The following GP9 variants were observed in gnomAD, a reference collection of about 807,000 sequenced individuals.
The protein encoded by GP9 is platelet glycoprotein IX.
For synonymous variants in GP9, 116 were observed against 116.7 expected, an observed-to-expected ratio of 0.99 and a Z score of 0.04; for missense variants, 228 against 241.8, an observed-to-expected ratio of 0.94 and a Z score of 0.38.
upstream of GP9, among the ~76,000 whole-genome samples, chr3:129,059,033 C>G (rs1352248054): frequency 6.6e-6 from 1 of 152,204 alleles, no homozygotes; most frequent in East Asian, 1.9e-4. Context: ...CTGCATTATC[C>G]TGTGCCTCTT....
upstream of GP9, among the ~76,000 whole-genome samples, chr3:129,057,354 A>C (rs528431149): frequency 7.7e-4 from 117 of 152,294 alleles, no homozygotes; most frequent in African/African-American, 2.8e-3. Flanking sequence ...GATGATCAGG[A>C]GGAAGCCATG....
At chr3:129,059,845 A>G (rs1946556651), upstream of GP9, among the ~76,000 whole-genome samples, 1 of 152,216 alleles carries the variant, frequency 6.6e-6, no homozygotes, top group Non-Finnish European at 1.5e-5. Flanking sequence ...CGTAGGGCCG[A>G]GGAATATTCC....
At position 129,061,923 on chromosome 3, in the gene GP9, A is replaced by G. The variant is rs1267634927; in HGVS notation, c.184A>G (p.Ser62Gly). ...RTRHLLLANN[S>G]LQSVPPGAFD... ...CCGCCACCTTCTGCTGGCCAACAAC[A>G]GCCTTCAGTCCGTGCCCCCGGGAGC... The change falls in exon 3 of 3, where the codon AGC (serine) becomes GGC (glycine). Residue 62 changes from serine (S) to glycine (G), a missense_variant. Coordinates refer to ENST00000307395, the MANE Select transcript of GP9 (RefSeq NM_000174.5). The G allele has an allele frequency of 2.5e-6, 4 of 1,613,776 alleles. No homozygotes were observed. Among genetic ancestry groups the G allele is most frequent in the Non-Finnish European group, 3.4e-6 (4 of 1,179,878 alleles).
chr3:129,059,223 T>C (rs1946549450), upstream of GP9, among the ~76,000 whole-genome samples: 1 of 152,202 alleles, frequency 6.6e-6, no homozygotes, highest in African/African-American at 2.4e-5. Flanking sequence ...ACAAAACCCA[T>C]CTATGTTGAT....
At chr3:129,061,116 C>T (rs1946570330) in intron 1 of GP9, among the ~76,000 whole-genome samples, 1 of 152,312 alleles carries the variant, frequency 6.6e-6, no homozygotes, top group African/African-American at 2.4e-5. Context: ...TGAGTCTGGC[C>T]TCTGACACCA....
At chr3:129,057,783 TG>T (rs1306950042), upstream of GP9, among the ~76,000 whole-genome samples, 3 of 148,862 alleles carry the variant, frequency 2.0e-5, no homozygotes, top group African/African-American at 7.5e-5. Flanking sequence ...GAGAAAGAGG[TG>T]GAATTAAGGA....
chr3:129,056,702 C>T (rs532352530), upstream of GP9, among the ~76,000 whole-genome samples: 66 of 152,280 alleles, frequency 4.3e-4, no homozygotes, highest in Non-Finnish European at 2.8e-4. Flanking sequence ...TGGGTGAGTG[C>T]GTCGAGGAGG....
chr3:129,059,579 G>A (rs1946553515), upstream of GP9, among the ~76,000 whole-genome samples: 3 of 152,178 alleles, frequency 2.0e-5, no homozygotes, highest in South Asian at 6.2e-4. Flanking sequence ...ATCAGTGGGG[G>A]AACAGCACCT....
upstream of GP9, among the ~76,000 whole-genome samples, chr3:129,057,080 C>T (rs1225836263): frequency 6.6e-6 from 1 of 152,124 alleles, no homozygotes; most frequent in Non-Finnish European, 1.5e-5. Context: ...GCAAGGCTGA[C>T]AAGTATGTAT....
In GP9 at chr3:129,062,303, C is replaced by T. The variant is rs1433245648; in HGVS notation, c.*30C>T. The T allele has an allele frequency of 2.0e-6, 3 of 1,480,272 alleles. No homozygotes were observed. The highest frequency in any genetic ancestry group is 2.8e-6 in the Non-Finnish European group (3 of 1,089,964). 91.7% of individuals were successfully genotyped at this position (1,480,272 alleles called of 1,614,324 possible). A position where few individuals can be genotyped will look rare whatever the true frequency, so the allele number is the denominator to read the frequency against. On this transcript the variant is annotated 3_prime_UTR_variant, in exon 3 of 3. Transcript: ENST00000307395. ...GGCCCCCAGAACCCCTGGCTCCAGGCCAGGGGGCCAGTCCCTGAGGCAGGT... is the reference window on the plus strand; with the variant it reads ...GGCCCCCAGAACCCCTGGCTCCAGGTCAGGGGGCCAGTCCCTGAGGCAGGT...
rs138811539 is a variant in GP9, at chr3:129,061,894, G to C, written c.155G>C (p.Arg52Pro). The change falls in exon 3 of 3, where the codon CGC becomes CCC. Residue 52 changes from arginine to proline, a missense_variant. Arg to Pro is a moderately radical substitution (Grantham distance 103). Transcript: ENST00000307395. ...ACGGCCCTGCCTGCCCTGCCGGCCCGCACCCGCCACCTTCTGCTGGCCAAC... is the reference window on the plus strand; with the variant it reads ...ACGGCCCTGCCTGCCCTGCCGGCCCCCACCCGCCACCTTCTGCTGGCCAAC... ...GLTALPALPA[R>P]TRHLLLANNS... 1 of 1,613,344 alleles carries C rather than the reference G, an allele frequency of 6.2e-7. No homozygotes were observed. Among genetic ancestry groups the C allele is most frequent in the African/African-American group, 1.3e-5 (1 of 75,040 alleles).
At chr3:129,055,029 T>C in the GP9 span, among the ~76,000 whole-genome samples, 1 of 152,252 alleles carries the variant, frequency 6.6e-6, no homozygotes, top group Non-Finnish European at 1.5e-5. Context: ...ATTTAGCGTC[T>C]TATTTGCCAC....
intron 2 of GP9, 34 bp from the exon 3 acceptor site, chr3:129,061,694 G>A (rs759829973): frequency 1.9e-6 from 3 of 1,547,962 alleles, no homozygotes; most frequent in Admixed American, 1.7e-5. Context: ...GGTCCAGGCT[G>A]CCAGGCCCTC....
In GP9 at chr3:129,061,578, A is replaced by T; in HGVS notation, c.-54A>T. The T allele has an allele frequency of 1.5e-6, 1 of 675,806 alleles. No individual in the cohort carries two copies. The highest frequency in any genetic ancestry group is 2.6e-6 in the Non-Finnish European group (1 of 379,750). The allele number at this position is 675,806 out of a possible 1,614,324, so 41.9% of individuals were successfully genotyped here. A position where few individuals can be genotyped will look rare whatever the true frequency, so the allele number is the denominator to read the frequency against. ...GCACACTCCACCTTCCCTAGTCACC[A>T]GCTGGTTTCCCAGAGGAGAAGGCTG... On this transcript the variant is annotated 5_prime_UTR_variant, in exon 2 of 3. Transcript: ENST00000307395.
At chr3:129,061,203 G>A (rs1206066294) in intron 1 of GP9, among the ~76,000 whole-genome samples, 2 of 152,254 alleles carry the variant, frequency 1.3e-5, no homozygotes, top group East Asian at 3.9e-4. Context: ...CAGATGAGTG[G>A]TTTTCCAGAT....
upstream of GP9, among the ~76,000 whole-genome samples, chr3:129,057,571 C>T (rs536123815): frequency 2.6e-5 from 4 of 152,060 alleles, no homozygotes; most frequent in East Asian, 1.9e-4. Flanking sequence ...CACAGGGGCA[C>T]GGGTTTTCTT....
chr3:129,055,697 T>C, the GP9 span, among the ~76,000 whole-genome samples: 1 of 150,080 alleles, frequency 6.7e-6, no homozygotes, highest in Non-Finnish European at 1.5e-5. Flanking sequence ...CAGGCTGGAG[T>C]GCAATGGTAC....
upstream of GP9, among the ~76,000 whole-genome samples, chr3:129,059,882 C>T (rs1017829677): frequency 2.6e-5 from 4 of 152,200 alleles, no homozygotes; most frequent in Non-Finnish European, 5.9e-5. Context: ...CAACGAAGTG[C>T]GTTTAAAGCC....
At chr3:129,061,212 A>C (rs1488819232) in intron 1 of GP9, among the ~76,000 whole-genome samples, 1 of 152,042 alleles carries the variant, frequency 6.6e-6, no homozygotes, top group Non-Finnish European at 1.5e-5. Flanking sequence ...GGTTTTCCAG[A>C]TGGGGTCCCA....
Sources: gnomAD v4.1 joint callset for allele counts (sites outside exome capture counted in the v4.1 genomes callset) on GRCh38, gnomAD v4.1.1 for gene constraint, MANE v1.5 for transcripts, NCBI Gene and HGNC (gene_info 2026-07-23, HGNC 2026-07-21) for gene names.